Variants in TEAD1 observed in about 807,000 individuals in gnomAD.
TEAD1 encodes TEA domain transcription factor 1.
A neutral mutation model predicts 54.9 loss-of-function variants in TEAD1; 9 were observed. The observed-to-expected ratio is 0.16, with a 90% CI of 0.10 to 0.29. The LOEUF is 0.29. TEAD1 is among the 10% of genes least tolerant of loss of function. TEAD1 has a pLI of 1.00. For synonymous variants in TEAD1, 200 were observed against 187.8 expected (o/e 1.07, Z -0.53); for missense variants, 387 against 535.9 (o/e 0.72, Z 2.74).
At chr11:12,900,324 G>A (rs780866001) in intron 9 of TEAD1, among the ~76,000 whole-genome samples, 3 of 152,028 alleles carry the variant, frequency 2.0e-5, no homozygotes, top group Non-Finnish European at 2.9e-5. Flanking sequence ...GCCTTCCAAA[G>A]TGCTGATATT....
intron 12 of TEAD1, among the ~76,000 whole-genome samples, chr11:12,936,244 T>C (rs1554951648): frequency 6.6e-6 from 1 of 152,086 alleles, no homozygotes; most frequent in Non-Finnish European, 1.5e-5. Flanking sequence ...CTGTGTGGTG[T>C]GGAGGGAGCT....
chr11:12,677,386 T>A (rs892994653), intron 2 of TEAD1, among the ~76,000 whole-genome samples: 14 of 152,086 alleles, frequency 9.2e-5, no homozygotes, highest in African/African-American at 3.1e-4. Context: ...GGGAGTCGGC[T>A]TCCTCCTCCC....
chr11:12,776,801 C>G (rs7117937), intron 3 of TEAD1, among the ~76,000 whole-genome samples: 1 of 78,088 alleles, frequency 1.3e-5, no homozygotes, highest in African/African-American at 1.1e-4. Context: ...TTATTATTAT[C>G]ATTATTATTA....
At chr11:12,850,202 G>A (rs367757816) in intron 3 of TEAD1, among the ~76,000 whole-genome samples, 300 of 152,266 alleles carry the variant, frequency 2.0e-3, no homozygotes, top group African/African-American at 6.8e-3. Context: ...TTCGGAGGCC[G>A]AGGCGTGTGT....
At chr11:12,688,453 T>G (rs776186984) in intron 2 of TEAD1, among the ~76,000 whole-genome samples, 4 of 152,206 alleles carry the variant, frequency 2.6e-5, no homozygotes, top group Non-Finnish European at 4.4e-5. Flanking sequence ...ATTGCCAGTT[T>G]TTAGGACTCT....
intron 3 of TEAD1, among the ~76,000 whole-genome samples, chr11:12,824,751 G>A (rs969665366): frequency 6.6e-6 from 1 of 152,154 alleles, no homozygotes; most frequent in Admixed American, 6.5e-5. Context: ...GAACTCTGGG[G>A]TGAGTAGAAG....
intron 3 of TEAD1, among the ~76,000 whole-genome samples, chr11:12,851,614 T>C (rs558620907): frequency 1.3e-5 from 2 of 152,044 alleles, no homozygotes; most frequent in Non-Finnish European, 2.9e-5. Flanking sequence ...GCCAACATTG[T>C]GAAACCCCCT....
intron 2 of TEAD1, among the ~76,000 whole-genome samples, chr11:12,723,185 G>T (rs1413348580): frequency 1.3e-5 from 2 of 152,118 alleles, no homozygotes; most frequent in African/African-American, 2.4e-5. Flanking sequence ...GTGCGTGAAG[G>T]TACCAATTTC....
At chr11:12,802,485 C>T (rs1181276196) in intron 3 of TEAD1, among the ~76,000 whole-genome samples, 1 of 151,956 alleles carries the variant, frequency 6.6e-6, no homozygotes, top group African/African-American at 2.4e-5. Context: ...ATTACATGTT[C>T]CCCCCATCTC....
At position 12,943,090 on chromosome 11, in the gene TEAD1, T is replaced by G; in HGVS notation, c.*5868T>G. 1 of 152,230 alleles carries G rather than the reference T, an allele frequency of 6.6e-6. No homozygotes were observed. The highest frequency in any genetic ancestry group is 1.9e-4 in the East Asian group (1 of 5,200). The allele number at this position is 152,230 out of a possible 1,614,324, so 9.4% of individuals were successfully genotyped here. A position where few individuals can be genotyped will look rare whatever the true frequency, so the allele number is the denominator to read the frequency against. ...ACTCTTAATACATACGTTCTGTGTG[T>G]CTCTACCTGGCGTCTTTAAGAATAT... On this transcript the variant is annotated 3_prime_UTR_variant, in exon 13 of 13. Transcript: ENST00000527636.
chr11:12,704,771 A>T (rs1233715342), intron 2 of TEAD1, among the ~76,000 whole-genome samples: 1 of 152,210 alleles, frequency 6.6e-6, no homozygotes, highest in Non-Finnish European at 1.5e-5. Context: ...AAGGATTGGG[A>T]TGGGATGATA....
At chr11:12,706,244 C>G (rs564716854) in intron 2 of TEAD1, among the ~76,000 whole-genome samples, 2 of 152,328 alleles carry the variant, frequency 1.3e-5, no homozygotes, top group South Asian at 4.1e-4. Flanking sequence ...GAAGAAACCC[C>G]TCTTCCATTC....
chr11:12,880,914 G>C lies in TEAD1; in HGVS notation c.466-91G>C, dbSNP rs937732488. ...ATTCTGTTGGGTGATCGAACCTGCTGTCTTTTAGCAGGGGTTGTGATGCGT... is the reference window on the plus strand; with the variant it reads ...ATTCTGTTGGGTGATCGAACCTGCTCTCTTTTAGCAGGGGTTGTGATGCGT... On this transcript the variant is annotated intron_variant, in intron 6 of 12. Transcript: ENST00000527636. 5.6e-6 allele frequency: 8 copies of C among 1,425,716 alleles called. No individual in the cohort carries two copies. In the East Asian group the frequency reaches 1.8e-4, roughly 32 times the overall value. The allele number at this position is 1,425,716 out of a possible 1,614,324, so 88.3% of individuals were successfully genotyped here. A position where few individuals can be genotyped will look rare whatever the true frequency, so the allele number is the denominator to read the frequency against.
At chr11:12,709,297 C>A (rs1283909999) in intron 2 of TEAD1, among the ~76,000 whole-genome samples, 1 of 151,514 alleles carries the variant, frequency 6.6e-6, no homozygotes, top group African/African-American at 2.4e-5. Flanking sequence ...GAGATTGCAC[C>A]ACTGCACTCC....
At chr11:12,851,369 TGTC>T (rs141040058) in intron 3 of TEAD1, among the ~76,000 whole-genome samples, 5,298 of 152,338 alleles carry the variant, frequency 0.035, 340 homozygotes, top group African/African-American at 0.12. Context: ...TTTTAACTAT[TGTC>T]GTCACACACA....
chr11:12,743,088 C>A (rs1411914232), intron 2 of TEAD1, among the ~76,000 whole-genome samples: 1 of 152,174 alleles, frequency 6.6e-6, no homozygotes, highest in African/African-American at 2.4e-5. Flanking sequence ...TCTTTCTTGG[C>A]TGGTGTTCTT....
At chr11:12,684,151 T>C (rs1321899732) in intron 2 of TEAD1, among the ~76,000 whole-genome samples, 1 of 152,032 alleles carries the variant, frequency 6.6e-6, no homozygotes, top group Non-Finnish European at 1.5e-5. Flanking sequence ...CAGATAGAAA[T>C]CTAGGAGAGG....
At chr11:12,899,738 G>A (rs543299869) in intron 9 of TEAD1, among the ~76,000 whole-genome samples, 1 of 152,314 alleles carries the variant, frequency 6.6e-6, no homozygotes, top group African/African-American at 2.4e-5. Context: ...CCATGTCAGA[G>A]CTTGATAGGG....
At chr11:12,762,907 C>T (rs1319084522) in intron 2 of TEAD1, among the ~76,000 whole-genome samples, 1 of 152,080 alleles carries the variant, frequency 6.6e-6, no homozygotes, top group East Asian at 1.9e-4. Context: ...CTGCTTCCCT[C>T]CTGGGTGTCC....
Sources: gnomAD v4.1 joint callset for allele counts (sites outside exome capture counted in the v4.1 genomes callset) on GRCh38, gnomAD v4.1.1 for gene constraint, MANE v1.5 for transcripts, NCBI Gene and HGNC (gene_info 2026-07-23, HGNC 2026-07-21) for gene names.